LMO7: variants seen among roughly 807,000 people sequenced by gnomAD.
LMO7 encodes the protein LIM domain only protein 7.
Under a neutral mutation model 206.5 loss-of-function variants are expected in LMO7, and 120 were observed. The ratio of observed to expected loss-of-function variants is 0.58; its 90% CI spans 0.50 to 0.68. The LOEUF is 0.68. Ranked by LOEUF, LMO7 falls within the 30% of genes least tolerant of loss-of-function variation. The probability of loss-of-function intolerance (pLI) is 0.00; values close to 1 mark genes in which losing one functional copy is unlikely to be tolerated. For missense variants in LMO7, 1,959 were observed against 1,957.9 expected (o/e 1.00, Z -0.01); for synonymous variants, 706 against 681.5 (o/e 1.04, Z -0.56).
Position 75,697,359 on chromosome 13 carries a change from C to A in LMO7, c.70-15823C>A, listed in dbSNP as rs142632568. ...GTTCTACATGGCTGGGGAGGCCTCA[C>A]AATCATGGTGGAAGATGAAGGATGA... On this transcript the variant is annotated intron_variant, in intron 1 of 30. Transcript: ENST00000377534. Among the ~76,000 whole-genome samples, 534 of 152,224 alleles carry A rather than the reference C, an allele frequency of 3.5e-3. 4 individuals are homozygous for A. Among genetic ancestry groups the A allele is most frequent in the African/African-American group, 0.012 (500 of 41,540 alleles).
chr13:75,668,224 A>C (rs1175820141), intron 1 of LMO7, among the ~76,000 whole-genome samples: 1 of 152,024 alleles, frequency 6.6e-6, no homozygotes, highest in East Asian at 1.9e-4. Flanking sequence ...GAACCAAAAA[A>C]CAAAAAACAA....
intron 25 of LMO7, 29 bp downstream of exon 25, chr13:75,842,945 T>A: frequency 7.6e-7 from 1 of 1,318,846 alleles, no homozygotes; most frequent in Non-Finnish European, 1.1e-6. Context: ...TGTAATTTAA[T>A]TGATGATAAT....
rs192035929 is a variant in LMO7 at position 75,742,571 on chromosome 13, C to A, written c.210+15473C>A. On this transcript the variant is annotated intron_variant, in intron 3 of 30. Coordinates refer to ENST00000377534, the MANE Select transcript of LMO7 (RefSeq NM_001306080.2). ...TAGAGGGCTCAGAAATAAGGCTGCA[C>A]ACTTACAACCATCTGATCTTTGACA... is the stretch of plus-strand genomic sequence containing the variant. 9.3e-4 allele frequency among the ~76,000 whole-genome samples: 142 copies of A among 152,226 alleles called. 1 individual carries two copies. The highest frequency in any genetic ancestry group is 3.4e-3 in the Middle Eastern group (1 of 294).
At position 75,796,766 on chromosome 13, in the gene LMO7, T is replaced by A; in HGVS notation, c.462+17T>A. ...CTGACGAAGGTAAGTAAACTACATCTGTGTGAGATTACTGCTGTAATACAG... is the reference window on the plus strand; with the variant it reads ...CTGACGAAGGTAAGTAAACTACATCAGTGTGAGATTACTGCTGTAATACAG... On this transcript the variant is annotated intron_variant, in intron 6 of 30. Coordinates refer to ENST00000377534, the MANE Select transcript of LMO7 (RefSeq NM_001306080.2). 7.2e-7 allele frequency: 1 copy of A among 1,385,890 alleles called. No homozygotes were observed. Among genetic ancestry groups the A allele is most frequent in the Non-Finnish European group, 1.0e-6 (1 of 972,438 alleles). 85.8% of individuals were successfully genotyped at this position (1,385,890 alleles called of 1,614,324 possible).
intron 1 of LMO7, among the ~76,000 whole-genome samples, chr13:75,665,557 G>A (rs965422663): frequency 1.0e-4 from 15 of 149,060 alleles, no homozygotes; most frequent in African/African-American, 1.5e-4. Context: ...TCAAAGTCTC[G>A]TTCTTGTACC....
intron 1 of LMO7, 24 bp downstream of exon 1, chr13:75,636,750 C>CT (rs1419088573): frequency 6.3e-7 from 1 of 1,593,812 alleles, no homozygotes; most frequent in Non-Finnish European, 8.5e-7. Context: ...ACTGCTTTCC[C>CT]TTCCGCAGGT....
upstream of LMO7, among the ~76,000 whole-genome samples, chr13:75,634,683 C>G (rs1403078987): frequency 1.3e-5 from 2 of 151,868 alleles, no homozygotes; most frequent in Non-Finnish European, 2.9e-5. Context: ...GCGGAGCTTG[C>G]AGTGAGCCGA....
At chr13:75,805,272 T>C in intron 8 of LMO7, 1 of 991,988 alleles carries the variant, frequency 1.0e-6, no homozygotes, top group Non-Finnish European at 1.4e-6. Context: ...ATGAAGTATC[T>C]TTGGCCCGTG....
chr13:75,790,959 A>G (rs1053041527), intron 4 of LMO7, among the ~76,000 whole-genome samples: 4 of 150,738 alleles, frequency 2.7e-5, no homozygotes, highest in Non-Finnish European at 5.9e-5. Context: ...TTTTTTTGCA[A>G]CTATTAATAT....
At chr13:75,812,110 G>A (rs1056218559) in intron 11 of LMO7, among the ~76,000 whole-genome samples, 3 of 152,152 alleles carry the variant, frequency 2.0e-5, no homozygotes, top group African/African-American at 7.2e-5. Flanking sequence ...GGTGGGTGGG[G>A]GTGTGTGTGC....
rs758334465 is a variant in LMO7, at chr13:75,842,924, G to T, written c.4097+8G>T. The T allele has an allele frequency of 3.9e-6, 6 of 1,550,936 alleles. No individual in the cohort carries two copies. In the African/African-American group the frequency reaches 6.8e-5, roughly 18 times the overall value. On this transcript the variant is annotated splice_region_variant and intron_variant, in intron 25 of 30. Coordinates refer to ENST00000377534, the MANE Select transcript of LMO7 (RefSeq NM_001306080.2). ...TTTTCTTCCTGGTGACAGGTATGTA[G>T]AGCATGTTATTGTAATTTAATTGAT... is the stretch of plus-strand genomic sequence containing the variant.
At chr13:75,672,946 G>C (rs1441350559) in intron 1 of LMO7, among the ~76,000 whole-genome samples, 1 of 151,736 alleles carries the variant, frequency 6.6e-6, no homozygotes, top group African/African-American at 2.4e-5. Flanking sequence ...TTTGTGTTTT[G>C]TTTTCTATGA....
chr13:75,759,969 C>G (rs1317579752), intron 3 of LMO7, among the ~76,000 whole-genome samples: 2 of 152,094 alleles, frequency 1.3e-5, no homozygotes, highest in Admixed American at 6.6e-5. Context: ...GGGAGGCCAC[C>G]CCTTTACCAG....
At chr13:75,705,020 G>T (rs1277997555) in intron 1 of LMO7, among the ~76,000 whole-genome samples, 1 of 152,136 alleles carries the variant, frequency 6.6e-6, no homozygotes, top group Non-Finnish European at 1.5e-5. Context: ...CCTATCAAGG[G>T]CTTCTTCGGA....
At chr13:75,743,638 G>T (rs775332536) in intron 3 of LMO7, among the ~76,000 whole-genome samples, 1 of 152,258 alleles carries the variant, frequency 6.6e-6, no homozygotes, top group Non-Finnish European at 1.5e-5. Context: ...ATATAAGTGG[G>T]AGCTAAATGA....
chr13:75,747,313 T>C (rs1375449111), intron 3 of LMO7, among the ~76,000 whole-genome samples: 1 of 152,174 alleles, frequency 6.6e-6, no homozygotes, highest in East Asian at 1.9e-4. Context: ...TAAATTTGAC[T>C]AGCCCATGGT....
chr13:75,836,682 G>A (rs1029735164), intron 19 of LMO7, among the ~76,000 whole-genome samples: 2 of 152,194 alleles, frequency 1.3e-5, no homozygotes, highest in South Asian at 2.1e-4. Context: ...AGCATGTTCC[G>A]GAGCTTTGAG....
At chr13:75,799,855 A>G (rs1420609196) in intron 6 of LMO7, among the ~76,000 whole-genome samples, 5 of 152,208 alleles carry the variant, frequency 3.3e-5, no homozygotes, top group Non-Finnish European at 7.4e-5. Context: ...AAGCCAGGTT[A>G]TATTTTGTCA....
At chr13:75,765,473 G>A (rs899409047) in intron 4 of LMO7, among the ~76,000 whole-genome samples, 2 of 145,966 alleles carry the variant, frequency 1.4e-5, no homozygotes, top group Admixed American at 1.4e-4. Flanking sequence ...ATTTTAAAAT[G>A]TACCCTTTCT....
Sources: gnomAD v4.1 joint callset for allele counts (sites outside exome capture counted in the v4.1 genomes callset) on GRCh38, gnomAD v4.1.1 for gene constraint, MANE v1.5 for transcripts, NCBI Gene and HGNC (gene_info 2026-07-23, HGNC 2026-07-21) for gene names.